USP42: variants seen among roughly 807,000 people sequenced by gnomAD.
USP42 encodes ubiquitin carboxyl-terminal hydrolase 42.
A neutral mutation model predicts 113.0 loss-of-function variants in USP42; 23 were observed. That is an observed-to-expected ratio of 0.20 (90% confidence interval 0.15 to 0.29). The LOEUF (loss-of-function observed/expected upper bound fraction) is 0.29. Ranked by LOEUF, USP42 falls within the 10% of genes least tolerant of loss-of-function variation. The pLI is 1.00. For missense variants in USP42, 2,174 were observed against 1,779.8 expected (o/e 1.22, Z -3.99); for synonymous variants, 933 against 699.0 (o/e 1.33, Z -5.28).
Position 6,156,963 on chromosome 7 carries a change from C to T in USP42, c.3851C>T (p.Pro1284Leu). 6.2e-7 allele frequency: 1 copy of T among 1,613,898 alleles called. No individual in the cohort carries two copies. Among genetic ancestry groups the T allele is most frequent in the Non-Finnish European group, 8.5e-7 (1 of 1,179,844 alleles). Residue 1284 changes from proline to leucine, a missense_variant, in exon 16 of 18, where the codon CCT becomes CTT. Pro to Leu is a moderately conservative substitution (Grantham distance 98). Transcript: ENST00000306177. ...GGCTTTCCTCTCTCTGGTGGCCCGC[C>T]TCTGGAAGGCGTCGGACCTTTCCGT... ...QGGFPLSGGPPLEGVGPFREK... is the reference protein window; with the variant it reads ...QGGFPLSGGPLLEGVGPFREK...
chr7:6,097,226 C>G, the USP42 span, among the ~76,000 whole-genome samples: 9 of 151,170 alleles, frequency 6.0e-5, no homozygotes, highest in South Asian at 1.7e-3. Flanking sequence ...TGTCTCTGCC[C>G]TCCGTGGTCC....
chr7:6,138,774 G>T (rs1488577819), intron 4 of USP42, among the ~76,000 whole-genome samples: 1 of 152,146 alleles, frequency 6.6e-6, no homozygotes, highest in African/African-American at 2.4e-5. Context: ...ATGGGATCCA[G>T]GTTCCATGCT....
the USP42 span, among the ~76,000 whole-genome samples, chr7:6,088,287 A>G: frequency 6.6e-6 from 1 of 150,572 alleles, no homozygotes; most frequent in Non-Finnish European, 1.5e-5. Context: ...CGGAGTCTTG[A>G]TCTGTCACCC....
At chr7:6,090,074 C>A in the USP42 span, among the ~76,000 whole-genome samples, 1 of 145,712 alleles carries the variant, frequency 6.9e-6, no homozygotes, top group Non-Finnish European at 1.5e-5. Context: ...TCAAGGTGGG[C>A]AGATCACCTG....
chr7:6,112,513 C>T (rs1779653165), intron 2 of USP42, among the ~76,000 whole-genome samples: 2 of 151,986 alleles, frequency 1.3e-5, no homozygotes, highest in Non-Finnish European at 1.5e-5. Flanking sequence ...TATAATGATA[C>T]AAATGTGGTT....
intron 3 of USP42, chr7:6,116,975 T>G: frequency 2.2e-6 from 1 of 447,802 alleles, no homozygotes; most frequent in South Asian, 1.7e-5. Context: ...GTTTTTGTGC[T>G]TGCTTCCTCC....
the USP42 span, among the ~76,000 whole-genome samples, chr7:6,091,977 T>TG: frequency 4.4e-5 from 6 of 135,828 alleles, no homozygotes; most frequent in South Asian, 1.4e-3. Context: ...AGGACGTATT[T>TG]TTTCTTCTTC....
chr7:6,135,755 G>A (rs1781106373), intron 3 of USP42, 86 bp from the exon 4 acceptor site: 2 of 578,504 alleles, frequency 3.5e-6, no homozygotes, highest in Non-Finnish European at 5.7e-6. Flanking sequence ...TTTCATTTCA[G>A]GTGTGTGCCC....
In USP42 at chr7:6,107,656, G is replaced by A. The variant is rs764375217; in HGVS notation, c.-10+2624G>A. ...ACTCCTGATTTCAGGTGATCTGCCC[G>A]CCTCGTCCTCCCAAAGTGCTGGGAT... On this transcript the variant is annotated intron_variant, in intron 1 of 17. Transcript: ENST00000306177. 5.9e-5 allele frequency among the ~76,000 whole-genome samples: 9 copies of A among 152,104 alleles called. No individual in the cohort carries two copies. The South Asian group carries it at 6.2e-4, about 11-fold the overall frequency.
chr7:6,084,025 T>A, the USP42 span, among the ~76,000 whole-genome samples: 1 of 150,230 alleles, frequency 6.7e-6, no homozygotes, highest in Non-Finnish European at 1.5e-5. Flanking sequence ...ACGAAGAGGG[T>A]TTTTGTTTTG....
At chr7:6,096,343 A>G in the USP42 span, among the ~76,000 whole-genome samples, 2 of 151,170 alleles carry the variant, frequency 1.3e-5, no homozygotes, top group South Asian at 4.1e-4. Flanking sequence ...CCCAAGGGAA[A>G]GTGACAGTAG....
At chr7:6,107,203 T>C (rs1156930397) in intron 1 of USP42, among the ~76,000 whole-genome samples, 1 of 152,170 alleles carries the variant, frequency 6.6e-6, no homozygotes, top group Admixed American at 6.6e-5. Context: ...AAATTTTTTT[T>C]CACTTAAGAG....
At chr7:6,109,664 G>C (rs1426116395) in intron 1 of USP42, among the ~76,000 whole-genome samples, 1 of 150,348 alleles carries the variant, frequency 6.7e-6, no homozygotes, top group African/African-American at 2.4e-5. Flanking sequence ...AAAGTGCTGG[G>C]ATTACAGGGG....
chr7:6,085,117 A>G, the USP42 span: 1 of 149,454 alleles, frequency 6.7e-6, no homozygotes, highest in Non-Finnish European at 1.5e-5. Flanking sequence ...CTATTTATTT[A>G]TTTATTTATT....
At chr7:6,091,744 TA>T in the USP42 span, among the ~76,000 whole-genome samples, 1 of 148,294 alleles carries the variant, frequency 6.7e-6, no homozygotes, top group East Asian at 1.9e-4. Context: ...AATAGTCTGG[TA>T]AAAAAATTTT....
At chr7:6,085,845 C>T in the USP42 span, among the ~76,000 whole-genome samples, 1 of 150,516 alleles carries the variant, frequency 6.6e-6, no homozygotes, top group African/African-American at 2.5e-5. Context: ...GAACTCCTGA[C>T]CTTGTGATCT....
intron 2 of USP42, among the ~76,000 whole-genome samples, chr7:6,114,658 A>ATATATATGTG (rs1562805096): frequency 4.7e-5 from 2 of 42,696 alleles, no homozygotes; most frequent in African/African-American, 3.5e-4. Context: ...GTGTGTGTGT[A>ATATATATGTG]TATATATATA....
chr7:6,091,680 TACACACACACACAC>T, the USP42 span, among the ~76,000 whole-genome samples: 1 of 136,078 alleles, frequency 7.3e-6, no homozygotes, highest in Non-Finnish European at 1.6e-5. Flanking sequence ...TATGTTAGCA[TACACACACACACAC>T]ACACACACAC....
chr7:6,109,590 C>T (rs1265756834), intron 1 of USP42, among the ~76,000 whole-genome samples: 1 of 151,786 alleles, frequency 6.6e-6, no homozygotes, highest in Non-Finnish European at 1.5e-5. Flanking sequence ...GATGGGGTTT[C>T]CCCATGTTGG....
Sources: allele counts gnomAD v4.1 joint callset (sites outside exome capture counted in the v4.1 genomes callset), GRCh38; gene constraint gnomAD v4.1.1; transcripts MANE v1.5; gene names NCBI Gene and HGNC (gene_info 2026-07-23, HGNC 2026-07-21).